Variants in RC3H1 observed in about 807,000 individuals in gnomAD.
RC3H1 encodes the protein ring finger and CCCH-type domains 1.
Under a neutral mutation model 138.2 loss-of-function variants are expected in RC3H1, and 50 were observed. The ratio of observed to expected loss-of-function variants is 0.36; its 90% CI spans 0.29 to 0.46. The LOEUF (loss-of-function observed/expected upper bound fraction) is 0.46, where lower values mean the gene tolerates loss of function less well. Among genes scored for constraint, RC3H1 ranks in the 20% least tolerant of loss-of-function variants. The probability of loss-of-function intolerance (pLI) is 1.00; values close to 1 mark genes in which losing one functional copy is unlikely to be tolerated. For missense variants in RC3H1, 1,031 were observed against 1,388.1 expected, an observed-to-expected ratio of 0.74 and a Z score of 4.09; for synonymous variants, 462 against 489.1, an observed-to-expected ratio of 0.94 and a Z score of 0.73.
chr1:174,001,287 G>C (rs1488843419), intron 1 of RC3H1, among the ~76,000 whole-genome samples: 1 of 152,194 alleles, frequency 6.6e-6, no homozygotes, highest in African/African-American at 2.4e-5. Context: ...CAGAGTGCCT[G>C]AGAAAGTAAG....
In RC3H1 at chr1:173,933,367, G is replaced by T. The variant is rs571241687; in HGVS notation, c.*5354C>A. ...TGCAGTATTGAAAACATACCTATTA[G>T]GAATAGATTTATTATTAAAAGGTGT... is the stretch of plus-strand genomic sequence containing the variant. On this transcript the variant is annotated 3_prime_UTR_variant, in exon 20 of 20. Coordinates refer to ENST00000367696, the MANE Select transcript of RC3H1 (RefSeq NM_172071.4). 3 of 151,994 alleles carry T rather than the reference G, an allele frequency of 2.0e-5. No homozygotes were observed. In the East Asian group the frequency reaches 5.8e-4, roughly 29 times the overall value. The allele number at this position is 151,994 out of a possible 1,614,324, so 9.4% of individuals were successfully genotyped here.
At chr1:174,015,198 A>C (rs139491385) in intron 1 of RC3H1, among the ~76,000 whole-genome samples, 1 of 151,712 alleles carries the variant, frequency 6.6e-6, no homozygotes, top group East Asian at 1.9e-4. Flanking sequence ...TTCTAAACCA[A>C]TATGTTAGTG....
chr1:173,982,490 C>CA (rs1660867196), intron 5 of RC3H1, among the ~76,000 whole-genome samples: 2 of 152,088 alleles, frequency 1.3e-5, no homozygotes, highest in Non-Finnish European at 2.9e-5. Flanking sequence ...TCTTCAAATA[C>CA]AAAAATCTAT....
At chr1:173,989,828 G>A (rs1187053213) in intron 2 of RC3H1, among the ~76,000 whole-genome samples, 2 of 142,802 alleles carry the variant, frequency 1.4e-5, no homozygotes, top group African/African-American at 2.6e-5. Context: ...CCGGGTTCAC[G>A]CCATTCTCCT....
rs545336416 is a variant in RC3H1 at position 173,932,846 on chromosome 1, A to G, written c.*5875T>C. 6.6e-6 allele frequency: 1 copy of G among 152,234 alleles called. No individual in the cohort carries two copies. The highest frequency in any genetic ancestry group is 1.5e-5 in the Non-Finnish European group (1 of 67,968). The allele number at this position is 152,234 out of a possible 1,614,324, so 9.4% of individuals were successfully genotyped here. On this transcript the variant is annotated 3_prime_UTR_variant, in exon 20 of 20. Transcript: ENST00000367696. ...AATAGAGCAACCAATTATTCACCCA[A>G]TAGTTTGTTTCCAATCTTTTTCTTG...
Position 173,999,335 on chromosome 1 carries a change from G to A in RC3H1, c.-150-6200C>T, listed in dbSNP as rs550073390. 3.3e-5 allele frequency among the ~76,000 whole-genome samples: 5 copies of A among 150,350 alleles called. 1 individual carries two copies. The highest frequency in any genetic ancestry group is 6.6e-5 in the Admixed American group (1 of 15,092). ...GCAGAGGTTGCGGTGAGCCGAGATC[G>A]TGCCATTGCACTCCAGCCTGGGCAA... On this transcript the variant is annotated intron_variant, in intron 1 of 19. Coordinates refer to ENST00000367696, the MANE Select transcript of RC3H1 (RefSeq NM_172071.4).
intron 13 of RC3H1, among the ~76,000 whole-genome samples, chr1:173,959,466 A>G (rs1659777016): frequency 6.6e-6 from 1 of 152,206 alleles, no homozygotes; most frequent in African/African-American, 2.4e-5. Context: ...TAGAGACTTG[A>G]TATTAGAAAG....
chr1:174,007,263 GC>G (rs1442322776), intron 1 of RC3H1, among the ~76,000 whole-genome samples: 1 of 151,318 alleles, frequency 6.6e-6, no homozygotes, highest in Admixed American at 6.6e-5. Flanking sequence ...GGTGGCGGGC[GC>G]CTGTAGTCCC....
intron 2 of RC3H1, among the ~76,000 whole-genome samples, chr1:173,990,668 G>C (rs1431296561): frequency 6.6e-6 from 1 of 150,884 alleles, no homozygotes; most frequent in African/African-American, 2.4e-5. Context: ...CGCCTCCCGG[G>C]TTCACACCAT....
chr1:173,943,645 C>T, intron 17 of RC3H1, 30 bp from the exon 18 acceptor site: 3 of 1,590,750 alleles, frequency 1.9e-6, no homozygotes, highest in Non-Finnish European at 2.6e-6. Context: ...ACACAGAAAA[C>T]TCAACACACT....
chr1:173,961,495 T>C (rs1385014311), intron 12 of RC3H1, among the ~76,000 whole-genome samples: 1 of 151,552 alleles, frequency 6.6e-6, no homozygotes, highest in Non-Finnish European at 1.5e-5. Flanking sequence ...AATTAAACCA[T>C]CTAAAGTTCA....
chr1:173,941,112 C>A (rs532864347), intron 19 of RC3H1, among the ~76,000 whole-genome samples, 153 bp downstream of exon 19: 29 of 152,260 alleles, frequency 1.9e-4, no homozygotes, highest in Non-Finnish European at 4.0e-4. Flanking sequence ...AGCCACTGCG[C>A]CCGGCCGCAA....
At chr1:173,978,727 C>T in intron 6 of RC3H1, 107 bp from the exon 7 acceptor site, 2 of 1,163,184 alleles carry the variant, frequency 1.7e-6, no homozygotes, top group Non-Finnish European at 2.4e-6. Context: ...TAATTTTTAT[C>T]TTCCCATATA....
intron 1 of RC3H1, among the ~76,000 whole-genome samples, chr1:174,005,592 C>T (rs1395242213): frequency 6.6e-6 from 1 of 151,994 alleles, no homozygotes; most frequent in Admixed American, 6.6e-5. Context: ...AAGATACTGA[C>T]GGACCTTCAC....
intron 17 of RC3H1, among the ~76,000 whole-genome samples, chr1:173,944,567 T>G (rs1454045841): frequency 6.6e-6 from 1 of 152,028 alleles, no homozygotes; most frequent in Non-Finnish European, 1.5e-5. Flanking sequence ...TTAAAGTATA[T>G]AAAACAAACA....
chr1:173,994,261 T>G (rs1186673865), intron 1 of RC3H1, among the ~76,000 whole-genome samples: 1 of 151,448 alleles, frequency 6.6e-6, no homozygotes, highest in East Asian at 2.0e-4. Flanking sequence ...GGTGTGGTGG[T>G]GCATGGCTGT....
rs560994506 is a variant in RC3H1, at chr1:173,941,694, A to AG, written c.3136-315dup. Among the ~76,000 whole-genome samples the AG allele has an allele frequency of 4.8e-3, 729 of 152,314 alleles. 7 individuals are homozygous for AG. The highest frequency in any genetic ancestry group is 0.016 in the African/African-American group (684 of 41,576). On this transcript the variant is annotated intron_variant, in intron 18 of 19. Coordinates refer to ENST00000367696, the MANE Select transcript of RC3H1 (RefSeq NM_172071.4). ...CTCACGCCTGTAATACCAGCAGTTT[A>AG]GGGGGCTGAGGCAGGTGGACTGCTG... is the stretch of plus-strand genomic sequence containing the variant.
Position 173,938,450 on chromosome 1 carries a change from TA to T in RC3H1, c.*270del. Reference sequence around the variant, plus strand: ...TCCAAGGCGTCCAAAGTTATTAAAATAAAGTTCATTCACAGAACAAAAACAA... The same window carrying T: ...TCCAAGGCGTCCAAAGTTATTAAAATAAGTTCATTCACAGAACAAAAACAA... On this transcript the variant is annotated 3_prime_UTR_variant, in exon 20 of 20. Coordinates refer to ENST00000367696, the MANE Select transcript of RC3H1 (RefSeq NM_172071.4). 4.0e-6 allele frequency: 1 copy of T among 250,880 alleles called. No homozygotes were observed. 15.5% of individuals were successfully genotyped at this position (250,880 alleles called of 1,614,324 possible). A position where few individuals can be genotyped will look rare whatever the true frequency, so the allele number is the denominator to read the frequency against.
At chr1:173,946,954 T>C (rs779043900) in intron 15 of RC3H1, 118 bp from the exon 16 acceptor site, 185 of 688,164 alleles carry the variant, frequency 2.7e-4, no homozygotes, top group Non-Finnish European at 3.7e-4. Context: ...CTACCCTAAA[T>C]GTCCAGATTT....
Sources: allele counts gnomAD v4.1 joint callset (sites outside exome capture counted in the v4.1 genomes callset), GRCh38; gene constraint gnomAD v4.1.1; transcripts MANE v1.5; gene names NCBI Gene and HGNC (gene_info 2026-07-23, HGNC 2026-07-21).